Variants in KAT14 observed in about 807,000 individuals in gnomAD.
The protein encoded by KAT14 is lysine acetyltransferase 14.
A neutral mutation model predicts 78.4 loss-of-function variants in KAT14; 66 were observed. That is an observed-to-expected ratio of 0.84 (90% CI 0.69 to 1.03). KAT14 has a LOEUF of 1.03. Ranked by LOEUF, KAT14 falls within the 50% of genes least tolerant of loss-of-function variation. The probability of loss-of-function intolerance (pLI) is 0.00; values close to 1 mark genes in which losing one functional copy is unlikely to be tolerated. For synonymous variants in KAT14, 344 were observed against 359.4 expected, an observed-to-expected ratio of 0.96 and a Z score of 0.48; for missense variants, 870 against 972.5, an observed-to-expected ratio of 0.89 and a Z score of 1.40.
chr20:18,161,947 C>T lies in KAT14; in HGVS notation c.807C>T (p.Asp269=), dbSNP rs925479740. The T allele has an allele frequency of 1.9e-6, 3 of 1,614,146 alleles. No homozygotes were observed. The highest frequency in any genetic ancestry group is 2.7e-5 in the African/African-American group (2 of 74,942). ...EKRSRTQEAK[D]IRRAQKEAAG... is the part of the protein sequence containing the mutation. ...GGTCTCGAACTCAGGAAGCAAAAGA[C>T]ATTAGAAGAGCCCAGAAGGAGGCCG... Residue 269 remains aspartate, a synonymous_variant, in exon 6 of 11, where the codon GAC becomes GAT. Coordinates refer to ENST00000688188, the MANE Select transcript of KAT14 (RefSeq NM_001392073.1).
In KAT14 at chr20:18,142,417, G is replaced by A. The variant is rs2037622185; in HGVS notation, c.-244G>A. 1 of 1,501,106 alleles carries A rather than the reference G, an allele frequency of 6.7e-7. No homozygotes were observed. Among genetic ancestry groups the A allele is most frequent in the Admixed American group, 2.1e-5 (1 of 46,556 alleles). 93.0% of individuals were successfully genotyped at this position (1,501,106 alleles called of 1,614,324 possible). A position where few individuals can be genotyped will look rare whatever the true frequency, so the allele number is the denominator to read the frequency against. On this transcript the variant is annotated 5_prime_UTR_variant, in exon 2 of 11. Coordinates refer to ENST00000688188, the MANE Select transcript of KAT14 (RefSeq NM_001392073.1). ...GAGTTTGTGTGTGTGTGTTGATGGAGAGTAGCTTAGTAGTATCTTCATCTT... is the reference window on the plus strand; with the variant it reads ...GAGTTTGTGTGTGTGTGTTGATGGAAAGTAGCTTAGTAGTATCTTCATCTT...
chr20:18,156,391 A>G (rs2038228131), intron 4 of KAT14, among the ~76,000 whole-genome samples: 1 of 152,200 alleles, frequency 6.6e-6, no homozygotes. Context: ...AGTAAATGTT[A>G]TGTATATTTT....
intron 7 of KAT14, among the ~76,000 whole-genome samples, chr20:18,175,978 A>G (rs2146499069): frequency 6.8e-6 from 1 of 147,886 alleles, no homozygotes; most frequent in East Asian, 2.0e-4. Context: ...ACTGCACTCC[A>G]GCGTGGGCAA....
In KAT14 at chr20:18,143,471, CT is replaced by C. The variant is rs530608535; in HGVS notation, c.259+564del. On this transcript the variant is annotated intron_variant, in intron 2 of 10. Transcript: ENST00000688188. Reference sequence around the variant, plus strand: ...TCAATCTTGAGATTTTCTTTTCTTTCTTTTTTTTTTTTGAGATGGAGTTTTG... The same window carrying C: ...TCAATCTTGAGATTTTCTTTTCTTTCTTTTTTTTTTTGAGATGGAGTTTTG... 7.4e-3 allele frequency among the ~76,000 whole-genome samples: 1,063 copies of C among 143,638 alleles called. 7 individuals are homozygous for C. The highest frequency in any genetic ancestry group is 0.017 in the Middle Eastern group (5 of 288). 94.2% of individuals were successfully genotyped at this position (143,638 alleles called of 152,430 possible). A position where few individuals can be genotyped will look rare whatever the true frequency, so the allele number is the denominator to read the frequency against.
intron 7 of KAT14, among the ~76,000 whole-genome samples, chr20:18,170,977 G>A (rs1209890639): frequency 2.6e-5 from 4 of 152,222 alleles, no homozygotes; most frequent in African/African-American, 9.6e-5. Flanking sequence ...GGATCAAGGA[G>A]TAATTTTGAC....
intron 7 of KAT14, among the ~76,000 whole-genome samples, chr20:18,181,083 T>G (rs181387181): frequency 2.4e-3 from 358 of 152,306 alleles, no homozygotes; most frequent in Non-Finnish European, 4.2e-3. Flanking sequence ...ATAGACAAAG[T>G]GAAGCCTAGA....
At chr20:18,182,268 T>A (rs2039287251) in intron 8 of KAT14, among the ~76,000 whole-genome samples, 1 of 152,002 alleles carries the variant, frequency 6.6e-6, no homozygotes, top group African/African-American at 2.4e-5. Flanking sequence ...ATTATAGGCA[T>A]GCACCACCAA....
At chr20:18,157,106 G>T (rs1300660317) in intron 4 of KAT14, among the ~76,000 whole-genome samples, 1 of 152,190 alleles carries the variant, frequency 6.6e-6, no homozygotes. Context: ...CCTCCAGAAA[G>T]TATATGCCCA....
At chr20:18,137,542 G>C (rs1176315288), upstream of KAT14, among the ~76,000 whole-genome samples, 1 of 152,198 alleles carries the variant, frequency 6.6e-6, no homozygotes, top group Non-Finnish European at 1.5e-5. Context: ...ATCAGTCAGG[G>C]GCTCAGAAGG....
chr20:18,184,637 T>G lies in KAT14; in HGVS notation c.2017T>G (p.Phe673Val), dbSNP rs766015596. The part of the protein sequence containing the change: ...DLSECLQYPD[F>V]SVVVLYKKVI... ...GTCTGAGTGTCTGCAGTACCCAGAC[T>G]TCAGTGTTGTTGTTCTTTATAAAAA... is the stretch of plus-strand genomic sequence containing the variant. Residue 673 changes from phenylalanine to valine, a missense_variant, in exon 10 of 11, where the codon TTC becomes GTC. Physicochemically the swap from Phe to Val is conservative, Grantham distance 50. Transcript: ENST00000688188. 4.3e-6 allele frequency: 7 copies of G among 1,613,904 alleles called. No individual in the cohort carries two copies. Among genetic ancestry groups the G allele is most frequent in the Admixed American group, 1.7e-5 (1 of 59,972 alleles).
upstream of KAT14, among the ~76,000 whole-genome samples, chr20:18,137,602 G>T (rs577072033): frequency 4.7e-4 from 72 of 152,312 alleles, no homozygotes; most frequent in Non-Finnish European, 6.5e-4. Flanking sequence ...CGCCCGGGGT[G>T]AGGTTGGTAC....
rs544790987 is a variant in KAT14, at chr20:18,138,524, G to A, written c.-454+473G>A. ...CCCAAGGTTGGGGTTAAAGCCTAAT[G>A]TGTTTTACGTGCTATTGATTTTATC... On this transcript the variant is annotated intron_variant, in intron 1 of 10. Coordinates refer to ENST00000688188, the MANE Select transcript of KAT14 (RefSeq NM_001392073.1). 2.5e-4 allele frequency: 222 copies of A among 896,566 alleles called. No homozygotes were observed. The African/African-American group carries it at 3.8e-3, about 15-fold the overall frequency. 55.5% of individuals were successfully genotyped at this position (896,566 alleles called of 1,614,324 possible).
intron 10 of KAT14, 28 bp downstream of exon 10, chr20:18,184,820 A>G (rs1179462550): frequency 3.2e-6 from 5 of 1,579,266 alleles, no homozygotes; most frequent in Non-Finnish European, 4.3e-6. Flanking sequence ...ATGATTTATC[A>G]CCTGTGTCTG....
At position 18,143,302 on chromosome 20, in the gene KAT14, A is replaced by G. The variant is rs1317382522; in HGVS notation, c.259+383A>G. ...CTTTGTTAATATTTAACTTACGTGGAGAACTCCTGCTATTGTATACTGAAA... is the reference window on the plus strand; with the variant it reads ...CTTTGTTAATATTTAACTTACGTGGGGAACTCCTGCTATTGTATACTGAAA... On this transcript the variant is annotated intron_variant, in intron 2 of 10. Coordinates refer to ENST00000688188, the MANE Select transcript of KAT14 (RefSeq NM_001392073.1). 8.3e-6 allele frequency: 4 copies of G among 484,772 alleles called. No homozygotes were observed. The South Asian group carries it at 1.6e-4, about 20-fold the overall frequency. 30.0% of individuals were successfully genotyped at this position (484,772 alleles called of 1,614,324 possible). A position where few individuals can be genotyped will look rare whatever the true frequency, so the allele number is the denominator to read the frequency against.
chr20:18,138,251 T>C (rs530281341), intron 1 of KAT14, 200 bp downstream of exon 1: 8 of 1,236,734 alleles, frequency 6.5e-6, no homozygotes, highest in Non-Finnish European at 8.1e-6. Flanking sequence ...CCGGCGGGCG[T>C]GTGCAGCCCG....
intron 7 of KAT14, among the ~76,000 whole-genome samples, chr20:18,163,669 T>C (rs557182845): frequency 6.6e-6 from 1 of 152,348 alleles, no homozygotes; most frequent in Admixed American, 6.5e-5. Flanking sequence ...CATGTTTTTC[T>C]CTCTTCTCTG....
chr20:18,149,574 G>A (rs1424790192), intron 3 of KAT14, among the ~76,000 whole-genome samples: 1 of 152,192 alleles, frequency 6.6e-6, no homozygotes, highest in Non-Finnish European at 1.5e-5. Context: ...TGTAGATATT[G>A]CTCTTTCCGT....
chr20:18,145,927 A>G lies in KAT14; in HGVS notation c.378+576A>G, dbSNP rs192333668. ...TTTCCTGGCAGCCATTTTAAGAACAATAAAACTATTTTTTTAAAGTGGAAA... is the reference window on the plus strand; with the variant it reads ...TTTCCTGGCAGCCATTTTAAGAACAGTAAAACTATTTTTTTAAAGTGGAAA... On this transcript the variant is annotated intron_variant, in intron 3 of 10. Coordinates refer to ENST00000688188, the MANE Select transcript of KAT14 (RefSeq NM_001392073.1). Among the ~76,000 whole-genome samples, 28 of 152,344 alleles carry G rather than the reference A, an allele frequency of 1.8e-4. No individual in the cohort carries two copies. In the East Asian group the frequency reaches 5.4e-3, roughly 29 times the overall value.
chr20:18,183,166 C>T lies in KAT14; in HGVS notation c.1849C>T (p.Gln617Ter), dbSNP rs1379140195. ...GCCACCCAAACTGCAGCTCCTGTCA[C>T]AGATTCGTTCCCACCTGCACAGGAG... ...TKPPKLQLLS[Q>*]IRSHLHRSDP... The change falls in exon 9 of 11, where the codon CAG becomes TAG. Residue 617 changes from glutamine to a stop codon, truncating the protein, a stop_gained. Transcript: ENST00000688188. LOFTEE classifies it high-confidence loss of function. 6.2e-7 allele frequency: 1 copy of T among 1,613,306 alleles called. No individual in the cohort carries two copies. The highest frequency in any genetic ancestry group is 8.5e-7 in the Non-Finnish European group (1 of 1,179,744).
Sources: allele counts gnomAD v4.1 joint callset (sites outside exome capture counted in the v4.1 genomes callset), GRCh38; gene constraint gnomAD v4.1.1; transcripts MANE v1.5; gene names NCBI Gene and HGNC (gene_info 2026-07-23, HGNC 2026-07-21).